The following SCOC variants were observed in gnomAD, a reference collection of about 807,000 sequenced individuals.
SCOC encodes the protein short coiled coil protein.
Under a neutral mutation model 9.9 loss-of-function variants are expected in SCOC, and 7 were observed. The observed-to-expected ratio is 0.71, with a 90% CI of 0.40 to 1.33. SCOC has a LOEUF of 1.33. SCOC is among the 40% of genes most tolerant of loss of function. The pLI is 0.01. For synonymous variants in SCOC, 19 were observed against 28.2 expected, an observed-to-expected ratio of 0.67 and a Z score of 1.03; for missense variants, 66 against 89.7, an observed-to-expected ratio of 0.74 and a Z score of 1.07.
chr4:140,287,846 T>G (rs1731341631), intron 1 of SCOC, among the ~76,000 whole-genome samples: 1 of 151,916 alleles, frequency 6.6e-6, no homozygotes, highest in South Asian at 2.1e-4. Context: ...TGCACATAAC[T>G]ATGACACACA....
At position 140,383,304 on chromosome 4, in the gene SCOC, G is replaced by A. The variant is rs1728624441; in HGVS notation, c.*2200G>A. The A allele has an allele frequency of 6.6e-6, 1 of 152,160 alleles. No homozygotes were observed. Among genetic ancestry groups the A allele is most frequent in the Non-Finnish European group, 1.5e-5 (1 of 68,036 alleles). 9.4% of individuals were successfully genotyped at this position (152,160 alleles called of 1,614,324 possible). On this transcript the variant is annotated 3_prime_UTR_variant, in exon 4 of 4. Coordinates refer to ENST00000608372, the MANE Select transcript of SCOC (RefSeq NM_001153484.2). Reference sequence around the variant, plus strand: ...GCTAGTGATTCAGCTCACAATCTAGGATCTCTATTAAAGGTCCATCCCTTT... The same window carrying A: ...GCTAGTGATTCAGCTCACAATCTAGAATCTCTATTAAAGGTCCATCCCTTT...
At chr4:140,362,302 T>TC (rs1560720882) in intron 2 of SCOC, among the ~76,000 whole-genome samples, 27 of 27,804 alleles carry the variant, frequency 9.7e-4, no homozygotes, top group South Asian at 2.1e-3. Flanking sequence ...TCTTCTTCTT[T>TC]TTTTTTTTTT....
At chr4:140,362,277 ACTT>A (rs1305620519) in intron 2 of SCOC, among the ~76,000 whole-genome samples, 1 of 11,664 alleles carries the variant, frequency 8.6e-5, no homozygotes, top group Non-Finnish European at 2.3e-4. Flanking sequence ...GTGTGTCCTT[ACTT>A]CTTCTTCTTC....
At chr4:140,312,007 A>G (rs765313083) in intron 1 of SCOC, among the ~76,000 whole-genome samples, 1 of 152,258 alleles carries the variant, frequency 6.6e-6, no homozygotes, top group Non-Finnish European at 1.5e-5. Context: ...TAGAACAAAC[A>G]CTTTTAGCGA....
intron 1 of SCOC, chr4:140,293,210 T>A: frequency 4.7e-6 from 2 of 429,402 alleles, no homozygotes; most frequent in African/African-American, 4.1e-5. Context: ...CATGAAATCT[T>A]AAACAACTGG....
At chr4:140,302,586 ACAAG>A (rs970295000) in intron 1 of SCOC, among the ~76,000 whole-genome samples, 2 of 152,220 alleles carry the variant, frequency 1.3e-5, no homozygotes, top group Non-Finnish European at 1.5e-5. Flanking sequence ...TGTACTAGAA[ACAAG>A]CCAGATACTA....
intron 3 of SCOC, 77 bp downstream of exon 3, chr4:140,379,729 G>A: frequency 9.5e-7 from 1 of 1,052,162 alleles, no homozygotes; most frequent in South Asian, 1.4e-5. Flanking sequence ...GCTAAATTTT[G>A]TTTGTTAGGA....
chr4:140,364,367 A>T (rs1727695937), intron 2 of SCOC, among the ~76,000 whole-genome samples: 1 of 152,204 alleles, frequency 6.6e-6, no homozygotes, highest in African/African-American at 2.4e-5. Context: ...GCTTCTGCCA[A>T]TCAAGAGACA....
chr4:140,362,245 A>T (rs898739969), intron 2 of SCOC, among the ~76,000 whole-genome samples: 1 of 128,020 alleles, frequency 7.8e-6, no homozygotes, highest in African/African-American at 3.0e-5. Flanking sequence ...TTTAAAACAA[A>T]CTAAAGACCG....
chr4:140,293,027 T>C (rs1290870351), intron 1 of SCOC, among the ~76,000 whole-genome samples: 1 of 152,242 alleles, frequency 6.6e-6, no homozygotes, highest in Non-Finnish European at 1.5e-5. Context: ...AGCTTTTATC[T>C]GTATGTCAAC....
chr4:140,283,506 A>C (rs1176579487), intron 1 of SCOC, among the ~76,000 whole-genome samples: 1 of 152,094 alleles, frequency 6.6e-6, no homozygotes, highest in East Asian at 1.9e-4. Flanking sequence ...TTAATTTTGG[A>C]ATTGCATTGA....
intron 1 of SCOC, among the ~76,000 whole-genome samples, chr4:140,333,706 A>G (rs762947842): frequency 6.6e-6 from 1 of 152,156 alleles, no homozygotes; most frequent in Non-Finnish European, 1.5e-5. Flanking sequence ...TACAGTGTTT[A>G]CCCTGGAAGA....
upstream of SCOC, among the ~76,000 whole-genome samples, chr4:140,372,144 T>C (rs924202622): frequency 1.4e-4 from 21 of 152,340 alleles, no homozygotes; most frequent in African/African-American, 5.1e-4. Flanking sequence ...TTAATAGGTA[T>C]ACAGTTTTAG....
intron 1 of SCOC, 187 bp downstream of exon 1, chr4:140,373,904 C>T (rs1728195924): frequency 1.4e-6 from 1 of 724,258 alleles, no homozygotes; most frequent in African/African-American, 1.7e-5. Flanking sequence ...AGAACCCTTG[C>T]GCGACCTCTT....
At chr4:140,298,630 G>A (rs868653) in intron 1 of SCOC, among the ~76,000 whole-genome samples, 19,200 of 152,134 alleles carry the variant, frequency 0.13, 1,405 homozygotes, top group Middle Eastern at 0.22. Context: ...CAGCCTCTGA[G>A]TTCTTTCTTC....
At chr4:140,281,980 A>T (rs1184026220) in intron 1 of SCOC, among the ~76,000 whole-genome samples, 2 of 152,096 alleles carry the variant, frequency 1.3e-5, no homozygotes, top group Non-Finnish European at 2.9e-5. Context: ...TATAAATAAC[A>T]CCCTTAATCA....
intron 1 of SCOC, among the ~76,000 whole-genome samples, chr4:140,324,933 T>C (rs944861733): frequency 6.6e-6 from 1 of 152,030 alleles, no homozygotes; most frequent in East Asian, 1.9e-4. Context: ...TCAAGACTTA[T>C]TCAAAACCTA....
intron 1 of SCOC, among the ~76,000 whole-genome samples, chr4:140,301,596 T>C (rs1160118024): frequency 1.3e-5 from 2 of 151,960 alleles, no homozygotes; most frequent in Non-Finnish European, 2.9e-5. Flanking sequence ...CCTGCTGGAG[T>C]GAGGTCAGGA....
At chr4:140,346,897 C>G (rs952980562) in intron 2 of SCOC, among the ~76,000 whole-genome samples, 3 of 152,158 alleles carry the variant, frequency 2.0e-5, no homozygotes, top group African/African-American at 7.2e-5. Flanking sequence ...GAAAGGACTA[C>G]TGGCTGGTGG....
Sources: gnomAD v4.1 joint callset for allele counts (sites outside exome capture counted in the v4.1 genomes callset) on GRCh38, gnomAD v4.1.1 for gene constraint, MANE v1.5 for transcripts, NCBI Gene and HGNC (gene_info 2026-07-23, HGNC 2026-07-21) for gene names.